The following ALDH4A1 variants were observed in gnomAD, a reference collection of about 807,000 sequenced individuals.
ALDH4A1 encodes delta-1-pyrroline-5-carboxylate dehydrogenase, mitochondrial.
A neutral mutation model predicts 70.5 loss-of-function variants in ALDH4A1; 46 were observed. That is an observed-to-expected ratio of 0.65 (90% CI 0.51 to 0.83). The LOEUF is 0.83. Among genes scored for constraint, ALDH4A1 ranks in the 40% least tolerant of loss-of-function variants. ALDH4A1 has a pLI of 0.00. For synonymous variants in ALDH4A1, 323 were observed against 324.3 expected (o/e 1.00, Z 0.04); for missense variants, 749 against 766.5 (o/e 0.98, Z 0.27).
At position 18,883,312 on chromosome 1, in the gene ALDH4A1, C is replaced by T. The variant is rs150481204; in HGVS notation, c.570G>A (p.Pro190=). The T allele has an allele frequency of 9.9e-6, 16 of 1,613,154 alleles. No homozygotes were observed. The highest frequency in any genetic ancestry group is 1.7e-5 in the Admixed American group (1 of 60,008). ...CCCGGTACACCGTGCTGTTGGTGCTCGGGGGCACGCTGATGGGCTGCTGCC... is the reference window on the plus strand; with the variant it reads ...CCCGGTACACCGTGCTGTTGGTGCTTGGGGGCACGCTGATGGGCTGCTGCC... ...LEGQQPISVP[P]STNSTVYRGL... The change falls in exon 6 of 15, where the codon CCG becomes CCA. Residue 190 remains proline, a synonymous_variant. Transcript: ENST00000375341.
In ALDH4A1 at chr1:18,882,617, G is replaced by A. The variant is rs200978428; in HGVS notation, c.678+507C>T. 1.9e-3 allele frequency: 995 copies of A among 537,688 alleles called. 7 individuals are homozygous for A. The highest frequency in any genetic ancestry group is 9.8e-3 in the Middle Eastern group (31 of 3,162). 33.3% of individuals were successfully genotyped at this position (537,688 alleles called of 1,614,324 possible). A position where few individuals can be genotyped will look rare whatever the true frequency, so the allele number is the denominator to read the frequency against. On this transcript the variant is annotated intron_variant, in intron 7 of 14. Transcript: ENST00000375341. ...CAGTCTTGCCAAGTAAGTCACGGCT[G>A]TGTGTCTCAGTTTTGTCATCTGGCA...
At position 18,885,456 on chromosome 1, in the gene ALDH4A1, G is replaced by T; in HGVS notation, c.453+17C>A. The T allele has an allele frequency of 3.7e-6, 2 of 541,842 alleles. No homozygotes were observed. Among genetic ancestry groups the T allele is most frequent in the South Asian group, 1.8e-5 (1 of 56,882 alleles). The allele number at this position is 541,842 out of a possible 1,614,324, so 33.6% of individuals were successfully genotyped here. A position where few individuals can be genotyped will look rare whatever the true frequency, so the allele number is the denominator to read the frequency against. On this transcript the variant is annotated intron_variant, in intron 5 of 14. Transcript: ENST00000375341. ...ACCCCACCCCGCCCCACCCACCCGG[G>T]CCCACCAGCACCTCACCTGTCCCAC...
Position 18,883,125 on chromosome 1 carries a change from A to G in ALDH4A1, c.677T>C (p.Met226Thr), listed in dbSNP as rs201404998. The G allele has an allele frequency of 6.2e-6, 10 of 1,613,128 alleles. No individual in the cohort carries two copies. The East Asian group carries it at 1.6e-4, about 25-fold the overall frequency. The change falls in exon 7 of 15, where the codon ATG becomes ACG. Residue 226 changes from methionine (M) to threonine (T), a missense_variant and splice_region_variant. Physicochemically the swap from Met to Thr is moderately conservative, Grantham distance 81. Coordinates refer to ENST00000375341, the MANE Select transcript of ALDH4A1 (RefSeq NM_003748.4). ...GTCCCACCTGTGCCCACATCTCACC[A>G]TCAGGGCCGGTGCCCCCGCCAGGTT... is the stretch of plus-strand genomic sequence containing the variant. ...GGNLAGAPAL[M>T]GNVVLWKPSD... is the part of the protein sequence containing the mutation.
chr1:18,878,420 C>A (rs1042625843), intron 9 of ALDH4A1, among the ~76,000 whole-genome samples: 2 of 152,124 alleles, frequency 1.3e-5, no homozygotes, highest in African/African-American at 4.8e-5. Flanking sequence ...GCTCACCTTC[C>A]CTGACACCCC....
intron 1 of ALDH4A1, among the ~76,000 whole-genome samples, chr1:18,894,865 CTT>C (rs34445898): frequency 0.031 from 3,384 of 109,912 alleles, 70 homozygotes; most frequent in East Asian, 0.16. Flanking sequence ...TTCTTTCTTT[CTT>C]TTTTTTTTTT....
Position 18,875,344 on chromosome 1 carries a change from C to G in ALDH4A1, c.1460+38G>C, listed in dbSNP as rs748390407. ...GGGGATGGGGACACGGACAGGACAC[C>G]CGGAGCACAGCACCAGGGCTGCGGC... On this transcript the variant is annotated intron_variant, in intron 13 of 14. Transcript: ENST00000375341. The G allele has an allele frequency of 1.9e-6, 3 of 1,613,686 alleles. No individual in the cohort carries two copies. The Admixed American group carries it at 5.0e-5, about 27-fold the overall frequency.
chr1:18,875,515 G>A lies in ALDH4A1; in HGVS notation c.1339-12C>T, dbSNP rs372508847. 159 of 1,613,810 alleles carry A rather than the reference G, an allele frequency of 9.9e-5. No homozygotes were observed. The highest frequency in any genetic ancestry group is 5.0e-4 in the Middle Eastern group (3 of 6,060). ...GGCCCGAAGATCTCCTAGGAGAGAG[G>A]CCCCGGCGTCAGACCCTCCACGGGA... On this transcript the variant is annotated splice_polypyrimidine_tract_variant and intron_variant, in intron 12 of 14. Transcript: ENST00000375341.
intron 1 of ALDH4A1, among the ~76,000 whole-genome samples, chr1:18,902,011 C>T (rs145305575): frequency 1.7e-4 from 26 of 149,308 alleles, no homozygotes; most frequent in Admixed American, 3.4e-4. Context: ...AAGGAGAGGA[C>T]TCGGGGAATC....
intron 1 of ALDH4A1, among the ~76,000 whole-genome samples, chr1:18,901,966 G>C (rs927488777): frequency 6.6e-6 from 1 of 151,682 alleles, no homozygotes; most frequent in Admixed American, 6.6e-5. Context: ...GGGGTGTGTG[G>C]GGAGCGGAAA....
intron 9 of ALDH4A1, 21 bp from the exon 10 acceptor site, chr1:18,877,633 G>GCCCCCCCCC: frequency 7.3e-6 from 5 of 683,746 alleles, no homozygotes; most frequent in Non-Finnish European, 7.9e-6. Context: ...CGGGGGTGGG[G>GCCCCCCCCC]AAATGACCAG....
At chr1:18,878,220 G>A (rs1489807654) in intron 9 of ALDH4A1, among the ~76,000 whole-genome samples, 1 of 152,192 alleles carries the variant, frequency 6.6e-6, no homozygotes, top group Non-Finnish European at 1.5e-5. Flanking sequence ...AGTACGCTGT[G>A]CTTTGTCTGA....
chr1:18,877,154 C>A, intron 11 of ALDH4A1, 54 bp downstream of exon 11: 1 of 1,581,352 alleles, frequency 6.3e-7, no homozygotes, highest in Admixed American at 1.7e-5. Flanking sequence ...CCTCCCTCTT[C>A]CACCCACTCC....
In ALDH4A1 at chr1:18,898,322, C is replaced by G. The variant is rs1935691018; in HGVS notation, c.62+4140G>C. ...GGACAACAGAGTGAGACTCTGTCTC[C>G]AAAACAAACAAACAAACAAACCAAC... On this transcript the variant is annotated intron_variant, in intron 1 of 14. Coordinates refer to ENST00000375341, the MANE Select transcript of ALDH4A1 (RefSeq NM_003748.4). The surrounding 1 kb of genome is among the most constrained non-coding windows in gnomAD (Gnocchi z 4.3). 6.6e-6 allele frequency among the ~76,000 whole-genome samples: 1 copy of G among 150,482 alleles called. No homozygotes were observed. Among genetic ancestry groups the G allele is most frequent in the Non-Finnish European group, 1.5e-5 (1 of 67,972 alleles).
intron 1 of ALDH4A1, among the ~76,000 whole-genome samples, chr1:18,899,775 T>C (rs2100617926): frequency 6.6e-6 from 1 of 152,286 alleles, no homozygotes; most frequent in East Asian, 1.9e-4. Flanking sequence ...GGCCCACCTA[T>C]AAAGGCCACA....
chr1:18,890,024 A>G lies in ALDH4A1; in HGVS notation c.144T>C (p.Asp48=), dbSNP rs1188739320. ...ACCCTCCCATTACCTTTTGCAGGGC[A>G]TCTCGCTCAGGGCTGCCCTGCGTGA... ...LAFTQGSPER[D]ALQKALKDLK... Residue 48 remains aspartate, a synonymous_variant, in exon 2 of 15, where the codon GAT becomes GAC. Coordinates refer to ENST00000375341, the MANE Select transcript of ALDH4A1 (RefSeq NM_003748.4). 1.2e-6 allele frequency: 2 copies of G among 1,609,320 alleles called. No homozygotes were observed. The highest frequency in any genetic ancestry group is 2.7e-5 in the African/African-American group (2 of 74,828).
chr1:18,876,298 C>T lies in ALDH4A1; in HGVS notation c.1338+17G>A, dbSNP rs748883569. ...GGATTGTCCTCCTCTGGACCCCAGG[C>T]TGCCCACCCCAGTCACCTCCTTCAT... On this transcript the variant is annotated intron_variant, in intron 12 of 14. Coordinates refer to ENST00000375341, the MANE Select transcript of ALDH4A1 (RefSeq NM_003748.4). 10 of 1,613,070 alleles carry T rather than the reference C, an allele frequency of 6.2e-6. No homozygotes were observed. The South Asian group carries it at 9.9e-5, about 16-fold the overall frequency.
chr1:18,902,364 G>A, intron 1 of ALDH4A1, 98 bp downstream of exon 1: 1 of 1,064,570 alleles, frequency 9.4e-7, no homozygotes, highest in South Asian at 2.3e-5. Context: ...TTGGGGGTCC[G>A]GCAGGGAGGG....
At chr1:18,897,874 C>G (rs142361958) in intron 1 of ALDH4A1, among the ~76,000 whole-genome samples, 8 of 152,322 alleles carry the variant, frequency 5.3e-5, no homozygotes, top group Non-Finnish European at 7.3e-5. Flanking sequence ...TGCCCAAGGT[C>G]ACTCAGCTGT....
At position 18,877,559 on chromosome 1, in the gene ALDH4A1, C is replaced by T. The variant is rs767652523; in HGVS notation, c.994G>A (p.Val332Met). 10 of 1,612,046 alleles carry T rather than the reference C, an allele frequency of 6.2e-6. No homozygotes were observed. The highest frequency in any genetic ancestry group is 1.8e-4 in the Middle Eastern group (1 of 5,528). Residue 332 changes from valine to methionine, a missense_variant, in exon 10 of 15, where the codon GTG becomes ATG. Coordinates refer to ENST00000375341, the MANE Select transcript of ALDH4A1 (RefSeq NM_003748.4). ...FVHRSADVES[V>M]VSGTLRSAFE... ...GCTGAGCGGAGGGTCCCGCTCACCA[C>T]GCTCTCCACGTCGGCCGAGCGGTGC...
Sources: gnomAD v4.1 joint callset for allele counts (sites outside exome capture counted in the v4.1 genomes callset) on GRCh38, gnomAD v4.1.1 for gene constraint, Gnocchi (gnomAD v3.1) non-coding constraint, MANE v1.5 for transcripts, NCBI Gene and HGNC (gene_info 2026-07-23, HGNC 2026-07-21) for gene names.